Variants in GPR107 observed in about 807,000 individuals in gnomAD.
The protein encoded by GPR107 is G protein-coupled receptor 107, also known as protein GPR107.
In GPR107, 31 loss-of-function variants were observed where a neutral mutation model predicts 75.5. That is an observed-to-expected ratio of 0.41 (90% CI 0.31 to 0.55). The LOEUF (loss-of-function observed/expected upper bound fraction) is 0.55, where lower values mean the gene tolerates loss of function less well. Among genes scored for constraint, GPR107 ranks in the 20% least tolerant of loss-of-function variants. GPR107 has a pLI of 0.26. For synonymous variants in GPR107, 267 were observed against 251.3 expected (o/e 1.06, Z -0.59); for missense variants, 572 against 665.7 (o/e 0.86, Z 1.55).
chr9:130,093,139 C>A (rs913696754), intron 9 of GPR107, among the ~76,000 whole-genome samples: 3 of 152,134 alleles, frequency 2.0e-5, no homozygotes, highest in Admixed American at 2.0e-4. Context: ...GGGATAGATT[C>A]TCTGCATTGA....
At chr9:130,071,035 CTTTTTTTTT>C (rs56799662) in intron 1 of GPR107, among the ~76,000 whole-genome samples, 2 of 98,178 alleles carry the variant, frequency 2.0e-5, no homozygotes, top group East Asian at 2.9e-4. Context: ...TTTTTTTTTT[CTTTTTTTTT>C]TTTTTTTTTG....
At chr9:130,123,635 G>A (rs1831605282) in intron 14 of GPR107, among the ~76,000 whole-genome samples, 1 of 150,020 alleles carries the variant, frequency 6.7e-6, no homozygotes, top group East Asian at 2.0e-4. Flanking sequence ...CCCCAAGTAG[G>A]CAGCACACCT....
At position 130,083,603 on chromosome 9, in the gene GPR107, G is replaced by A; in HGVS notation, c.564+1G>A. On this transcript the variant is annotated splice_donor_variant, in intron 6 of 17. Transcript: ENST00000347136. LOFTEE classifies it high-confidence loss of function. ...TAAAAGAAGTACAGTGGATTCAAAG[G>A]TAAGAACTAACCACCCTTTTGTGCT... 6.6e-7 allele frequency: 1 copy of A among 1,519,340 alleles called. No individual in the cohort carries two copies. Among genetic ancestry groups the A allele is most frequent in the Non-Finnish European group, 8.8e-7 (1 of 1,140,938 alleles). The allele number at this position is 1,519,340 out of a possible 1,614,324, so 94.1% of individuals were successfully genotyped here.
At chr9:130,061,199 G>A (rs1829918024) in intron 1 of GPR107, among the ~76,000 whole-genome samples, 1 of 152,180 alleles carries the variant, frequency 6.6e-6, no homozygotes, top group South Asian at 2.1e-4. Flanking sequence ...GACCTTTGTG[G>A]AGTATTCATT....
intron 6 of GPR107, among the ~76,000 whole-genome samples, chr9:130,085,630 A>G (rs966416174): frequency 2.0e-5 from 3 of 152,102 alleles, no homozygotes; most frequent in African/African-American, 7.2e-5. Flanking sequence ...AACTTCATAT[A>G]ACTGAATTAT....
intron 17 of GPR107, among the ~76,000 whole-genome samples, chr9:130,130,898 T>C (rs1248496722): frequency 7.1e-6 from 1 of 140,528 alleles, no homozygotes; most frequent in East Asian, 2.0e-4. Context: ...AAAAAACGCA[T>C]GAATCCGTGG....
At chr9:130,115,892 C>T (rs544608856) in intron 14 of GPR107, among the ~76,000 whole-genome samples, 5 of 152,192 alleles carry the variant, frequency 3.3e-5, no homozygotes, top group South Asian at 2.1e-4. Flanking sequence ...CATGAGCCAC[C>T]GTGCCCAGCC....
chr9:130,105,549 A>G (rs1041939087), intron 13 of GPR107, among the ~76,000 whole-genome samples: 19 of 151,896 alleles, frequency 1.3e-4, no homozygotes. Context: ...GAGTCACCGC[A>G]GCTGGCTGAG....
At chr9:130,093,804 GA>G (rs745651107) in intron 9 of GPR107, among the ~76,000 whole-genome samples, 8 of 151,720 alleles carry the variant, frequency 5.3e-5, no homozygotes, top group Non-Finnish European at 1.0e-4. Context: ...AACATAGCAA[GA>G]CCCCCATTTC....
rs760429542 is a variant in GPR107 at position 130,053,950 on chromosome 9, C to G, written c.18C>G (p.Pro6=). 6.4e-7 allele frequency: 1 copy of G among 1,556,362 alleles called. No individual in the cohort carries two copies. The highest frequency in any genetic ancestry group is 8.7e-7 in the Non-Finnish European group (1 of 1,151,696). The part of the protein sequence containing the change: MAALA[P]VGSPASRGPR... ...GAACAAACATGGCCGCTCTGGCGCC[C>G]GTCGGCTCCCCCGCCTCCCGCGGTC... Residue 6 remains proline (P), a synonymous_variant, in exon 1 of 18, where the codon CCC becomes CCG. Coordinates refer to ENST00000347136, the MANE Select transcript of GPR107 (RefSeq NM_020960.5).
intron 17 of GPR107, among the ~76,000 whole-genome samples, chr9:130,131,525 A>G (rs1376790404): frequency 6.6e-6 from 1 of 151,976 alleles, no homozygotes; most frequent in African/African-American, 2.4e-5. Context: ...TCGCACTCCC[A>G]GGACTCACCC....
At chr9:130,079,849 T>A in intron 5 of GPR107, 80 bp downstream of exon 5, 1 of 861,440 alleles carries the variant, frequency 1.2e-6, no homozygotes, top group Non-Finnish European at 1.8e-6. Flanking sequence ...AAAGTAAAAG[T>A]AAAACATGAT....
At chr9:130,064,217 G>C (rs1232601150) in intron 1 of GPR107, among the ~76,000 whole-genome samples, 1 of 116,174 alleles carries the variant, frequency 8.6e-6, no homozygotes, top group Non-Finnish European at 1.7e-5. Context: ...TTGAGACGGA[G>C]TCTCGCTCTG....
rs535929679 is a variant in GPR107 at position 130,069,892 on chromosome 9, G to T, written c.142-5744G>T. ...GTAGAGATGGGGTTTCATCATGTTG[G>T]CCAGGCTGGTCTCAAACTGACCTAA... On this transcript the variant is annotated intron_variant, in intron 1 of 17. Transcript: ENST00000347136. Among the ~76,000 whole-genome samples the T allele has an allele frequency of 6.0e-5, 9 of 150,294 alleles. No homozygotes were observed. The East Asian group carries it at 1.8e-3, about 30-fold the overall frequency.
At chr9:130,083,116 T>G (rs2132574882) in intron 5 of GPR107, among the ~76,000 whole-genome samples, 1 of 152,020 alleles carries the variant, frequency 6.6e-6, no homozygotes, top group Admixed American at 6.6e-5. Flanking sequence ...AGATGGGGGT[T>G]CGCCAGGTTG....
intron 8 of GPR107, 23 bp downstream of exon 8, chr9:130,091,006 T>C (rs1194984636): frequency 1.1e-6 from 1 of 946,002 alleles, no homozygotes; most frequent in Non-Finnish European, 1.7e-6. Context: ...TGGAGATTGT[T>C]CTACGTGGAT....
At chr9:130,131,776 CCTTA>C (rs1459832424) in intron 17 of GPR107, among the ~76,000 whole-genome samples, 1 of 152,122 alleles carries the variant, frequency 6.6e-6, no homozygotes, top group Non-Finnish European at 1.5e-5. Context: ...GTCCTGTAGG[CCTTA>C]CTTTGTGCCT....
At chr9:130,078,858 G>A (rs947840370) in intron 4 of GPR107, among the ~76,000 whole-genome samples, 3 of 152,158 alleles carry the variant, frequency 2.0e-5, no homozygotes, top group African/African-American at 7.2e-5. Context: ...GGTGGGATGG[G>A]GTAAACAAAA....
intron 1 of GPR107, among the ~76,000 whole-genome samples, chr9:130,067,993 G>GC (rs1048186671): frequency 4.0e-5 from 6 of 151,338 alleles, no homozygotes; most frequent in Admixed American, 6.6e-5. Flanking sequence ...TCCCACCTCA[G>GC]CCCCCCAAAG....
Sources: allele counts gnomAD v4.1 joint callset (sites outside exome capture counted in the v4.1 genomes callset), GRCh38; gene constraint gnomAD v4.1.1; transcripts MANE v1.5; gene names NCBI Gene and HGNC (gene_info 2026-07-23, HGNC 2026-07-21).